CNTN6: variants seen among roughly 807,000 people sequenced by gnomAD.
The protein encoded by CNTN6 is contactin-6.
Under a neutral mutation model 122.8 loss-of-function variants are expected in CNTN6, and 137 were observed. That is an observed-to-expected ratio of 1.12 (90% confidence interval 0.97 to 1.29). CNTN6 has a LOEUF of 1.29. CNTN6 is among the 50% of genes most tolerant of loss of function. The pLI, the probability that CNTN6 is intolerant of heterozygous loss-of-function variation, is 0.00. For synonymous variants in CNTN6, 570 were observed against 426.0 expected, an observed-to-expected ratio of 1.34 and a Z score of -4.16; for missense variants, 1,634 against 1,223.4, an observed-to-expected ratio of 1.34 and a Z score of -5.01.
At chr3:1,397,113 A>G (rs917911107) in intron 20 of CNTN6, among the ~76,000 whole-genome samples, 2 of 152,164 alleles carry the variant, frequency 1.3e-5, no homozygotes, top group African/African-American at 2.4e-5. Context: ...AGTGCCTCCC[A>G]TGAGCCATGC....
intron 20 of CNTN6, among the ~76,000 whole-genome samples, chr3:1,390,681 A>C (rs1693994952): frequency 1.3e-5 from 2 of 152,146 alleles, no homozygotes; most frequent in African/African-American, 4.8e-5. Flanking sequence ...ATAAAGAAAA[A>C]GAGAAGAATC....
chr3:1,395,878 G>A (rs1038640768), intron 20 of CNTN6, among the ~76,000 whole-genome samples: 1 of 152,044 alleles, frequency 6.6e-6, no homozygotes, highest in African/African-American at 2.4e-5. Flanking sequence ...TAGATAGGAG[G>A]ACACAAATGC....
chr3:1,360,436 A>G (rs1707284265), intron 12 of CNTN6, among the ~76,000 whole-genome samples: 1 of 152,088 alleles, frequency 6.6e-6, no homozygotes, highest in South Asian at 2.1e-4. Context: ...TGAATAATTT[A>G]ATATTTTATT....
At chr3:1,154,765 C>T (rs887056848) in intron 2 of CNTN6, among the ~76,000 whole-genome samples, 42 of 152,228 alleles carry the variant, frequency 2.8e-4, no homozygotes, top group Admixed American at 2.6e-3. Flanking sequence ...CATTTTTCTT[C>T]CCCCGATTTA....
Position 1,339,886 on chromosome 3 carries a change from T to A in CNTN6, c.1364+9951T>A, listed in dbSNP as rs188018179. 7.9e-5 allele frequency among the ~76,000 whole-genome samples: 12 copies of A among 152,270 alleles called. No homozygotes were observed. In the East Asian group the frequency reaches 2.3e-3, roughly 29 times the overall value. On this transcript the variant is annotated intron_variant, in intron 11 of 22. Transcript: ENST00000446702. ...TATTTTAATTCTATCTCCAATTAAA[T>A]TAACCAAATACACCCATAAATCTAT...
At chr3:1,273,635 C>G (rs886069045) in intron 4 of CNTN6, among the ~76,000 whole-genome samples, 2 of 152,144 alleles carry the variant, frequency 1.3e-5, no homozygotes, top group Non-Finnish European at 2.9e-5. Flanking sequence ...GATCTGTGTG[C>G]TATTAAACAG....
intron 4 of CNTN6, among the ~76,000 whole-genome samples, chr3:1,243,143 G>A (rs906243891): frequency 6.6e-6 from 1 of 152,164 alleles, no homozygotes; most frequent in African/African-American, 2.4e-5. Flanking sequence ...AGGGGCTCTG[G>A]GAGTGGCTGC....
chr3:1,202,086 T>C (rs1325727521), intron 2 of CNTN6, among the ~76,000 whole-genome samples: 3 of 152,252 alleles, frequency 2.0e-5, no homozygotes, highest in Admixed American at 6.5e-5. Context: ...AATGAAACTT[T>C]TCCTGCATTT....
intron 4 of CNTN6, among the ~76,000 whole-genome samples, chr3:1,276,625 C>T (rs181712497): frequency 1.8e-4 from 28 of 152,216 alleles, no homozygotes; most frequent in African/African-American, 2.4e-4. Context: ...AAATTTAGTA[C>T]GGTTTTTTCA....
intron 7 of CNTN6, among the ~76,000 whole-genome samples, chr3:1,303,423 G>A (rs912007626): frequency 6.6e-6 from 1 of 151,994 alleles, no homozygotes; most frequent in Non-Finnish European, 1.5e-5. Context: ...TTCTAGCTAG[G>A]GTTAGACTGT....
intron 2 of CNTN6, among the ~76,000 whole-genome samples, chr3:1,158,571 G>A (rs552654322): frequency 3.2e-4 from 47 of 146,552 alleles, no homozygotes; most frequent in Non-Finnish European, 5.7e-4. Flanking sequence ...TCTTGACACA[G>A]ACTCAATTTT....
chr3:1,315,281 GTA>G (rs1421311366), intron 7 of CNTN6, among the ~76,000 whole-genome samples: 1 of 151,990 alleles, frequency 6.6e-6, no homozygotes, highest in African/African-American at 2.4e-5. Flanking sequence ...TGCATTGCTA[GTA>G]TCAACATGGA....
intron 1 of CNTN6, among the ~76,000 whole-genome samples, chr3:1,135,850 G>A (rs1395485619): frequency 6.6e-6 from 1 of 152,068 alleles, no homozygotes; most frequent in Non-Finnish European, 1.5e-5. Flanking sequence ...AAATTAGCTG[G>A]GCACGGTGGT....
chr3:1,093,577 A>C (rs576592230), intron 1 of CNTN6, among the ~76,000 whole-genome samples: 1 of 150,496 alleles, frequency 6.6e-6, no homozygotes, highest in African/African-American at 2.4e-5. Context: ...TGCAGTTCTC[A>C]CCGGATGATT....
chr3:1,393,464 G>C (rs1273000693), intron 20 of CNTN6, among the ~76,000 whole-genome samples: 1 of 141,896 alleles, frequency 7.0e-6, no homozygotes, highest in African/African-American at 2.6e-5. Flanking sequence ...GCTAGATGAC[G>C]AGTTAGTGGG....
At chr3:1,341,369 A>G (rs1703868670) in intron 11 of CNTN6, among the ~76,000 whole-genome samples, 2 of 152,048 alleles carry the variant, frequency 1.3e-5, no homozygotes, top group South Asian at 4.1e-4. Flanking sequence ...CAGCGAATGG[A>G]GACACTTTAT....
rs4299467 is a variant in CNTN6, at chr3:1,103,084, C to A, written c.-83+9964C>A. Among the ~76,000 whole-genome samples, 34 of 151,718 alleles carry A rather than the reference C, an allele frequency of 2.2e-4. 1 individual carries two copies. In the South Asian group the frequency reaches 6.3e-3, roughly 28 times the overall value. ...TGGCGCCACCGCACTCCAGCCTGGG[C>A]GACAGAGCCAGACTCCGTCTCAAAA... On this transcript the variant is annotated intron_variant, in intron 1 of 22. Coordinates refer to ENST00000446702, the MANE Select transcript of CNTN6 (RefSeq NM_001289080.2).
chr3:1,215,356 C>G (rs1381624535), intron 2 of CNTN6, among the ~76,000 whole-genome samples: 3 of 152,138 alleles, frequency 2.0e-5, no homozygotes, highest in Non-Finnish European at 2.9e-5. Context: ...GCTTTTTTCA[C>G]ATTATGTGAG....
chr3:1,216,844 A>G (rs1046465869), intron 2 of CNTN6, among the ~76,000 whole-genome samples: 1 of 152,230 alleles, frequency 6.6e-6, no homozygotes, highest in Non-Finnish European at 1.5e-5. Context: ...GGATGGTGAA[A>G]ACAATGGAGA....
Sources: allele counts gnomAD v4.1 joint callset (sites outside exome capture counted in the v4.1 genomes callset), GRCh38; gene constraint gnomAD v4.1.1; transcripts MANE v1.5; gene names NCBI Gene and HGNC (gene_info 2026-07-23, HGNC 2026-07-21).